The following SEC63 variants were observed in gnomAD, a reference collection of about 807,000 sequenced individuals.
SEC63 encodes translocation protein SEC63 homolog.
Under a neutral mutation model 116.2 loss-of-function variants are expected in SEC63, and 56 were observed. The observed-to-expected ratio is 0.48, with a 90% CI of 0.39 to 0.60. SEC63 has a LOEUF of 0.60. Ranked by LOEUF, SEC63 falls within the 20% of genes least tolerant of loss-of-function variation. The pLI is 0.00. For missense variants in SEC63, 668 were observed against 900.0 expected (o/e 0.74, Z 3.30); for synonymous variants, 273 against 294.6 (o/e 0.93, Z 0.75).
At chr6:107,926,356 G>GC (rs1469011583) in intron 2 of SEC63, among the ~76,000 whole-genome samples, 1 of 152,098 alleles carries the variant, frequency 6.6e-6, no homozygotes, top group Non-Finnish European at 1.5e-5. Flanking sequence ...GTTACACTGA[G>GC]CAAGAACTGT....
In SEC63 at chr6:107,922,016, G is replaced by C. The variant is rs568346595; in HGVS notation, c.340-107C>G. ...TTGAACTTAAAATATGAACTACTCA[G>C]TATTTTGAGAAAGACAAAATCCATT... On this transcript the variant is annotated intron_variant, in intron 3 of 20. Transcript: ENST00000369002. 2.4e-5 allele frequency: 16 copies of C among 665,798 alleles called. No homozygotes were observed. In the East Asian group the frequency reaches 3.5e-4, roughly 14 times the overall value. The allele number at this position is 665,798 out of a possible 1,614,324, so 41.2% of individuals were successfully genotyped here. A position where few individuals can be genotyped will look rare whatever the true frequency, so the allele number is the denominator to read the frequency against.
At chr6:107,946,326 G>A (rs540277663) in intron 1 of SEC63, among the ~76,000 whole-genome samples, 5 of 149,878 alleles carry the variant, frequency 3.3e-5, no homozygotes, top group Non-Finnish European at 5.9e-5. Flanking sequence ...TCCACCTCCC[G>A]GGTCCAAGCA....
chr6:107,929,998 T>C (rs1023972217), intron 1 of SEC63: 3 of 163,824 alleles, frequency 1.8e-5, no homozygotes, highest in Admixed American at 6.0e-5. Context: ...GATATAAAAC[T>C]AGTAAGATTT....
rs763591908 is a variant in SEC63 at position 107,909,053 on chromosome 6, T to A, written c.625-18A>T. 1.0e-5 allele frequency: 16 copies of A among 1,537,850 alleles called. No individual in the cohort carries two copies. Among genetic ancestry groups the A allele is most frequent in the Middle Eastern group, 1.7e-4 (1 of 5,952 alleles). ...CAAGAGCCCTAAAACACAAAAAAAATTAAACAAGAAAGAAAGTATAAAAAC... is the reference window on the plus strand; with the variant it reads ...CAAGAGCCCTAAAACACAAAAAAAAATAAACAAGAAAGAAAGTATAAAAAC... On this transcript the variant is annotated intron_variant, in intron 7 of 20. Coordinates refer to ENST00000369002, the MANE Select transcript of SEC63 (RefSeq NM_007214.5).
chr6:107,915,709 C>G (rs1196167858), intron 4 of SEC63, among the ~76,000 whole-genome samples: 1 of 152,026 alleles, frequency 6.6e-6, no homozygotes, highest in African/African-American at 2.4e-5. Context: ...CTCAAATAAC[C>G]TAAGCAAGTT....
intron 16 of SEC63, among the ~76,000 whole-genome samples, chr6:107,893,146 ACACACACACAGAAT>A (rs1192579336): frequency 6.9e-6 from 1 of 145,660 alleles, no homozygotes; most frequent in Non-Finnish European, 1.5e-5. Flanking sequence ...ACACACACAC[ACACACACACAGAAT>A]GAACTACTGC....
chr6:107,906,776 A>G lies in SEC63; in HGVS notation c.735T>C (p.Arg245=). 1.2e-6 allele frequency: 2 copies of G among 1,606,192 alleles called. No individual in the cohort carries two copies. The highest frequency in any genetic ancestry group is 1.7e-6 in the Non-Finnish European group (2 of 1,172,830). The change falls in exon 9 of 21, where the codon CGT becomes CGC. Residue 245 remains arginine, a splice_region_variant and synonymous_variant. Transcript: ENST00000369002. ...VYKTRNMDMK[R]LIMVLAGASE... The stretch of plus-strand genomic sequence containing the variant: ...AAGCTCCAGCCAAAACCATGATAAG[A>G]CCTAACAAAACAAAAGAAATATGAA...
At chr6:107,928,300 T>C (rs533057730) in intron 2 of SEC63, among the ~76,000 whole-genome samples, 3 of 151,828 alleles carry the variant, frequency 2.0e-5, no homozygotes, top group South Asian at 2.1e-4. Flanking sequence ...CTGGGGAACA[T>C]GGTGAAACCC....
intron 13 of SEC63, among the ~76,000 whole-genome samples, chr6:107,898,497 A>T (rs1043566502): frequency 3.3e-5 from 5 of 152,202 alleles, no homozygotes; most frequent in African/African-American, 1.2e-4. Context: ...TCTGAAAAAA[A>T]TAATGAAAGC....
intron 1 of SEC63, among the ~76,000 whole-genome samples, chr6:107,935,291 G>A (rs1184526981): frequency 2.6e-5 from 4 of 151,888 alleles, no homozygotes; most frequent in African/African-American, 4.8e-5. Flanking sequence ...TGGGAGGTGT[G>A]CCCAACAGCT....
chr6:107,883,810 A>C (rs1786466607), intron 16 of SEC63, among the ~76,000 whole-genome samples: 1 of 151,806 alleles, frequency 6.6e-6, no homozygotes. Context: ...CTATCTCAAA[A>C]AAAAAAAGAA....
chr6:107,912,083 T>C (rs1198774755), intron 6 of SEC63, among the ~76,000 whole-genome samples: 2 of 152,190 alleles, frequency 1.3e-5, no homozygotes, highest in East Asian at 3.8e-4. Flanking sequence ...TTAATAGCCA[T>C]TTTCAAAACA....
chr6:107,900,063 TAG>T (rs1366567625), intron 13 of SEC63, among the ~76,000 whole-genome samples: 2 of 152,140 alleles, frequency 1.3e-5, no homozygotes, highest in African/African-American at 2.4e-5. Context: ...CCCTAGCACC[TAG>T]AGGAGTGCAC....
intron 1 of SEC63, among the ~76,000 whole-genome samples, chr6:107,938,781 T>A (rs1770311137): frequency 6.6e-6 from 1 of 150,882 alleles, no homozygotes; most frequent in Non-Finnish European, 1.5e-5. Flanking sequence ...GGTCTCAAAC[T>A]CCTGACCTCA....
intron 1 of SEC63, among the ~76,000 whole-genome samples, chr6:107,943,345 G>C (rs1770416220): frequency 6.6e-6 from 1 of 152,168 alleles, no homozygotes; most frequent in African/African-American, 2.4e-5. Context: ...CAATAGATAT[G>C]TGTTTCTTTT....
intron 1 of SEC63, among the ~76,000 whole-genome samples, chr6:107,940,204 C>T (rs1770346408): frequency 6.6e-6 from 1 of 151,954 alleles, no homozygotes; most frequent in African/African-American, 2.4e-5. Flanking sequence ...AACACTGGAT[C>T]ACAGCAGAAC....
intron 1 of SEC63, among the ~76,000 whole-genome samples, chr6:107,942,602 C>G (rs1461165836): frequency 6.6e-6 from 1 of 152,152 alleles, no homozygotes; most frequent in Non-Finnish European, 1.5e-5. Context: ...ACAGTTAACC[C>G]TTGAACAACG....
intron 7 of SEC63, among the ~76,000 whole-genome samples, chr6:107,910,990 A>T (rs776248851): frequency 6.6e-5 from 10 of 152,074 alleles, no homozygotes; most frequent in Non-Finnish European, 1.3e-4. Flanking sequence ...GGATTACAGG[A>T]GTGAGCCACC....
At chr6:107,926,923 T>C (rs567127458) in intron 2 of SEC63, among the ~76,000 whole-genome samples, 27 of 152,320 alleles carry the variant, frequency 1.8e-4, no homozygotes, top group Middle Eastern at 3.4e-3. Context: ...CTCTACAGTT[T>C]CCTGAGAGCC....
Sources: allele counts gnomAD v4.1 joint callset (sites outside exome capture counted in the v4.1 genomes callset), GRCh38; gene constraint gnomAD v4.1.1; transcripts MANE v1.5; gene names NCBI Gene and HGNC (gene_info 2026-07-23, HGNC 2026-07-21).